The following ANKFN1 variants were observed in gnomAD, a reference collection of about 807,000 sequenced individuals.
ANKFN1 encodes the protein ankyrin repeat and fibronectin type-III domain-containing protein 1.
Under a neutral mutation model 108.7 loss-of-function variants are expected in ANKFN1, and 74 were observed. The ratio of observed to expected loss-of-function variants is 0.68; its 90% CI spans 0.56 to 0.83. The LOEUF (loss-of-function observed/expected upper bound fraction) is 0.83, where lower values mean the gene tolerates loss of function less well. Among genes scored for constraint, ANKFN1 ranks in the 40% least tolerant of loss-of-function variants. The pLI, the probability that ANKFN1 is intolerant of heterozygous loss-of-function variation, is 0.00. For missense variants in ANKFN1, 1,505 were observed against 1,382.3 expected (o/e 1.09, Z -1.41); for synonymous variants, 547 against 516.2 (o/e 1.06, Z -0.81).
chr17:56,441,693 A>G (rs898059169), intron 9 of ANKFN1, among the ~76,000 whole-genome samples: 7 of 152,244 alleles, frequency 4.6e-5, no homozygotes, highest in African/African-American at 1.7e-4. Flanking sequence ...ACTAATTTCC[A>G]TAGGGATTAA....
chr17:56,092,573 C>T (rs1249152851), intron 4 of ANKFN1, among the ~76,000 whole-genome samples: 4 of 151,078 alleles, frequency 2.6e-5, no homozygotes, highest in South Asian at 2.1e-4. Flanking sequence ...CGCGCCCAGT[C>T]GGTAGTATGT....
intron 4 of ANKFN1, among the ~76,000 whole-genome samples, chr17:56,072,087 A>G (rs555976248): frequency 3.9e-5 from 6 of 152,356 alleles, no homozygotes; most frequent in Admixed American, 2.6e-4. Context: ...CATCCATGTC[A>G]GTAAGATTTT....
At chr17:56,321,012 A>C (rs16957098) in intron 3 of ANKFN1, among the ~76,000 whole-genome samples, 5,358 of 151,990 alleles carry the variant, frequency 0.035, 328 homozygotes, top group African/African-American at 0.12. Context: ...TGCTTAAAAC[A>C]AAATAATCAA....
chr17:56,360,654 T>G (rs908682320), intron 6 of ANKFN1, among the ~76,000 whole-genome samples: 1 of 152,188 alleles, frequency 6.6e-6, no homozygotes, highest in Non-Finnish European at 1.5e-5. Flanking sequence ...ATATTATCCC[T>G]TATGAAAAGA....
At chr17:56,255,281 G>A (rs2043330477) in intron 3 of ANKFN1, among the ~76,000 whole-genome samples, 1 of 152,176 alleles carries the variant, frequency 6.6e-6, no homozygotes, top group African/African-American at 2.4e-5. Flanking sequence ...GGGATGCAGA[G>A]GGGATAGAGT....
chr17:56,303,621 A>T (rs909773737), intron 3 of ANKFN1, among the ~76,000 whole-genome samples: 2 of 151,976 alleles, frequency 1.3e-5, no homozygotes, highest in African/African-American at 4.8e-5. Flanking sequence ...ATTTTGAGAT[A>T]ACTGTAGCTC....
intron 14 of ANKFN1, chr17:56,462,271 A>G (rs1034136410): frequency 6.6e-6 from 1 of 152,212 alleles, no homozygotes; most frequent in South Asian, 2.1e-4. Flanking sequence ...CACATAGTTA[A>G]TATGTTAGAT....
At chr17:56,133,303 C>G (rs1272480175) in intron 4 of ANKFN1, among the ~76,000 whole-genome samples, 1 of 152,112 alleles carries the variant, frequency 6.6e-6, no homozygotes, top group Non-Finnish European at 1.5e-5. Flanking sequence ...GCTGAGGGTC[C>G]TAGCTTGCAT....
chr17:56,051,798 A>G (rs1904780535), intron 4 of ANKFN1, among the ~76,000 whole-genome samples: 1 of 151,576 alleles, frequency 6.6e-6, no homozygotes, highest in South Asian at 2.1e-4. Flanking sequence ...GAGCCAAATC[A>G]TGAGTGAATT....
intron 3 of ANKFN1, among the ~76,000 whole-genome samples, chr17:56,255,964 G>A (rs146230592): frequency 0.043 from 6,528 of 152,086 alleles, 445 homozygotes; most frequent in African/African-American, 0.15. Flanking sequence ...GCTTGAGACC[G>A]GGAGTTCCAG....
intron 3 of ANKFN1, among the ~76,000 whole-genome samples, chr17:56,283,814 C>A (rs1377977198): frequency 6.6e-6 from 1 of 151,726 alleles, no homozygotes; most frequent in Non-Finnish European, 1.5e-5. Context: ...GATGGGTGCA[C>A]CAAAATCTCA....
At chr17:56,223,601 C>T (rs1439370556) in intron 2 of ANKFN1, among the ~76,000 whole-genome samples, 1 of 151,914 alleles carries the variant, frequency 6.6e-6, no homozygotes, top group Admixed American at 6.6e-5. Context: ...ACGAGTGAGG[C>T]CAAGGGATTA....
At chr17:56,119,008 A>G (rs1478864055) in intron 4 of ANKFN1, among the ~76,000 whole-genome samples, 1 of 152,120 alleles carries the variant, frequency 6.6e-6, no homozygotes, top group Admixed American at 6.5e-5. Flanking sequence ...AGGTTCGAGG[A>G]GGTGAAAAGG....
At chr17:56,431,952 C>A (rs899875570) in intron 8 of ANKFN1, among the ~76,000 whole-genome samples, 17 of 152,138 alleles carry the variant, frequency 1.1e-4, no homozygotes, top group African/African-American at 4.1e-4. Context: ...TCCATGCAAG[C>A]AACATGGGTA....
intron 8 of ANKFN1, among the ~76,000 whole-genome samples, chr17:56,427,404 T>C (rs1050693553): frequency 1.3e-5 from 2 of 152,154 alleles, no homozygotes; most frequent in Non-Finnish European, 2.9e-5. Flanking sequence ...CTTCTGTGAC[T>C]GTTTACATTG....
At position 56,515,219 on chromosome 17, in the gene ANKFN1, T is replaced by C. The variant is rs566183328; in HGVS notation, c.*3950T>C. ...TTTCTACAGCTCTCTCAACTTCGTA[T>C]GTAGCAGAGCTACAGCAAAGAGTGT... On this transcript the variant is annotated 3_prime_UTR_variant, in exon 21 of 21. Coordinates refer to ENST00000682825, the MANE Select transcript of ANKFN1 (RefSeq NM_001370326.1). Among the ~76,000 whole-genome samples the C allele has an allele frequency of 6.6e-6, 1 of 152,336 alleles. No homozygotes were observed. The highest frequency in any genetic ancestry group is 2.1e-4 in the South Asian group (1 of 4,830).
At chr17:56,386,585 T>G (rs941368426) in intron 8 of ANKFN1, among the ~76,000 whole-genome samples, 7 of 142,134 alleles carry the variant, frequency 4.9e-5, no homozygotes, top group Non-Finnish European at 8.0e-5. Flanking sequence ...CATGAGTTTT[T>G]TTTTTTTTTT....
At chr17:56,382,047 T>C (rs561518513) in intron 8 of ANKFN1, among the ~76,000 whole-genome samples, 2 of 152,240 alleles carry the variant, frequency 1.3e-5, no homozygotes, top group Non-Finnish European at 2.9e-5. Flanking sequence ...AAAGGTCGGG[T>C]TACCCACAAA....
chr17:56,056,196 C>A (rs1897277), intron 4 of ANKFN1, among the ~76,000 whole-genome samples: 100,090 of 151,804 alleles, frequency 0.66, 34,329 homozygotes, highest in Non-Finnish European at 0.78. Flanking sequence ...TCAGTTGATT[C>A]TTTTCTTTTG....
Sources: gnomAD v4.1 joint callset for allele counts (sites outside exome capture counted in the v4.1 genomes callset) on GRCh38, gnomAD v4.1.1 for gene constraint, MANE v1.5 for transcripts, NCBI Gene and HGNC (gene_info 2026-07-23, HGNC 2026-07-21) for gene names.